Variants in KLF3 observed in about 807,000 individuals in gnomAD.
KLF3 encodes the protein KLF transcription factor 3, also known as Krueppel-like factor 3.
Under a neutral mutation model 32.7 loss-of-function variants are expected in KLF3, and 6 were observed. That is an observed-to-expected ratio of 0.18 (90% CI 0.10 to 0.36). KLF3 has a LOEUF of 0.36. KLF3 is among the 10% of genes least tolerant of loss of function. The pLI is 1.00. For synonymous variants in KLF3, 145 were observed against 172.8 expected, an observed-to-expected ratio of 0.84 and a Z score of 1.26; for missense variants, 338 against 449.7, an observed-to-expected ratio of 0.75 and a Z score of 2.25.
chr4:38,667,802 C>T (rs2637726), intron 1 of KLF3, among the ~76,000 whole-genome samples: 1 of 152,164 alleles, frequency 6.6e-6, no homozygotes, highest in African/African-American at 2.4e-5. Flanking sequence ...CAGGTGGCTT[C>T]CGTGGATGGA....
intron 2 of KLF3, among the ~76,000 whole-genome samples, chr4:38,686,944 CGCCCAGACCAA>C (rs1486697005): frequency 1.3e-5 from 2 of 152,188 alleles, no homozygotes; most frequent in Non-Finnish European, 2.9e-5. Context: ...GCCGAGGATT[CGCCCAGACCAA>C]GCCCAGAGAG....
intron 1 of KLF3, among the ~76,000 whole-genome samples, chr4:38,669,276 G>C (rs1054223844): frequency 1.3e-5 from 2 of 152,182 alleles, no homozygotes; most frequent in South Asian, 2.1e-4. Context: ...TAGTTTGCTA[G>C]TATGTGATAT....
At chr4:38,670,002 A>T (rs552789174) in intron 1 of KLF3, among the ~76,000 whole-genome samples, 1 of 150,918 alleles carries the variant, frequency 6.6e-6, no homozygotes, top group Non-Finnish European at 1.5e-5. Context: ...AAATAAAAAA[A>T]TGATCTGTGC....
rs1723002254 is a variant in KLF3 at position 38,694,819 on chromosome 4, C to A, written c.769C>A (p.Arg257=). 2.5e-6 allele frequency: 4 copies of A among 1,606,450 alleles called. No homozygotes were observed. The Admixed American group carries it at 5.2e-5, about 21-fold the overall frequency. The stretch of plus-strand genomic sequence containing the variant: ...GGAATCCCCGGATACTCAAAGGAAG[C>A]GGAGGATACACAGATGTGATTATGA... ...PVESPDTQRK[R]RIHRCDYDGC... is the part of the protein sequence containing the mutation. The change falls in exon 5 of 6, where the codon CGG becomes AGG. Residue 257 remains arginine, a synonymous_variant. Coordinates refer to ENST00000261438, the MANE Select transcript of KLF3 (RefSeq NM_016531.6).
rs35207230 is a variant in KLF3 at position 38,693,092 on chromosome 4, G to GTA, written c.696-1644_696-1643dup. On this transcript the variant is annotated intron_variant, in intron 4 of 5. Transcript: ENST00000261438. ...TATATATATACACATATATATACACGTATATATATATGTACATATATATAC... is the reference window on the plus strand; with the variant it reads ...TATATATATACACATATATATACACGTATATATATATATGTACATATATATAC... Among the ~76,000 whole-genome samples the GTA allele has an allele frequency of 8.2e-4, 89 of 108,216 alleles. 1 individual carries two copies. The highest frequency in any genetic ancestry group is 2.3e-3 in the African/African-American group (67 of 28,518). 71.0% of individuals were successfully genotyped at this position (108,216 alleles called of 152,430 possible). A position where few individuals can be genotyped will look rare whatever the true frequency, so the allele number is the denominator to read the frequency against.
intron 1 of KLF3, among the ~76,000 whole-genome samples, chr4:38,673,107 A>T (rs10032639): frequency 0.18 from 26,992 of 152,250 alleles, 2,495 homozygotes; most frequent in Non-Finnish European, 0.21. Context: ...CCAAAGTTTC[A>T]GTGGCTCTCT....
Position 38,700,760 on chromosome 4 carries a change from AG to A in KLF3, c.*3498del, listed in dbSNP as rs1296288337. On this transcript the variant is annotated 3_prime_UTR_variant, in exon 6 of 6. Transcript: ENST00000261438. ...TAAACTATGCAGAAATTTTTAATAAAGTGTAATATATTTTATAAGCTAATAA... is the reference window on the plus strand; with the variant it reads ...TAAACTATGCAGAAATTTTTAATAAATGTAATATATTTTATAAGCTAATAA... 6.6e-6 allele frequency: 1 copy of A among 152,174 alleles called. No homozygotes were observed. Among genetic ancestry groups the A allele is most frequent in the Non-Finnish European group, 1.5e-5 (1 of 68,030 alleles). 9.4% of individuals were successfully genotyped at this position (152,174 alleles called of 1,614,324 possible). A position where few individuals can be genotyped will look rare whatever the true frequency, so the allele number is the denominator to read the frequency against.
At chr4:38,668,136 A>G (rs562480426) in intron 1 of KLF3, among the ~76,000 whole-genome samples, 1 of 152,168 alleles carries the variant, frequency 6.6e-6, no homozygotes, top group Non-Finnish European at 1.5e-5. Context: ...TGCTCTTCTC[A>G]TTTTTGTTTT....
Position 38,701,489 on chromosome 4 carries a change from TTAAAG to T in KLF3, c.*4231_*4235del, listed in dbSNP as rs1447961219. 6.6e-6 allele frequency among the ~76,000 whole-genome samples: 1 copy of T among 152,210 alleles called. No individual in the cohort carries two copies. Among genetic ancestry groups the T allele is most frequent in the Admixed American group, 6.5e-5 (1 of 15,282 alleles). On this transcript the variant is annotated 3_prime_UTR_variant, in exon 6 of 6. Transcript: ENST00000261438. ...GAACGAGGAACAGAACAATAACGCA[TTAAAG>T]TAAATAACTCTGGATAAAAGTAATT...
rs1410260903 is a variant in KLF3, at chr4:38,671,345, TC to T, written c.-40+6885del. Among the ~76,000 whole-genome samples, 1 of 152,248 alleles carries T rather than the reference TC, an allele frequency of 6.6e-6. No individual in the cohort carries two copies. Among genetic ancestry groups the T allele is most frequent in the Non-Finnish European group, 1.5e-5 (1 of 68,048 alleles). ...CTGCCAATTTTTCTCAGCAGTTATA[TC>T]GACAATGCAGGTGCACTGGCTAGGA... On this transcript the variant is annotated intron_variant, in intron 1 of 5. Transcript: ENST00000261438. This position sits in a 1 kb window ranked among gnomAD's most constrained non-coding sequence, Gnocchi z 4.4.
At position 38,674,250 on chromosome 4, in the gene KLF3, C is replaced by G. The variant is rs2109240399; in HGVS notation, c.-39-6337C>G. ...TGCCTGCTGACATCTGTTGCCTGTC[C>G]CCTGTATTTCTGGCTAGGGCAACTG... On this transcript the variant is annotated intron_variant, in intron 1 of 5. Coordinates refer to ENST00000261438, the MANE Select transcript of KLF3 (RefSeq NM_016531.6). The surrounding 1 kb of genome is among the most constrained non-coding windows in gnomAD (Gnocchi z 4.1). Among the ~76,000 whole-genome samples, 1 of 152,174 alleles carries G rather than the reference C, an allele frequency of 6.6e-6. No homozygotes were observed. The highest frequency in any genetic ancestry group is 2.1e-4 in the South Asian group (1 of 4,812).
At chr4:38,694,982 A>T in intron 5 of KLF3, 76 bp downstream of exon 5, 3 of 1,452,028 alleles carry the variant, frequency 2.1e-6, no homozygotes, top group Non-Finnish European at 9.3e-7. Flanking sequence ...TGTTACGATC[A>T]AAGTTTTCAG....
At chr4:38,682,764 G>T (rs889705819) in intron 2 of KLF3, among the ~76,000 whole-genome samples, 2 of 152,284 alleles carry the variant, frequency 1.3e-5, no homozygotes, top group African/African-American at 4.8e-5. Context: ...TTGTTGTAAC[G>T]TAGTAATACA....
At chr4:38,665,415 T>C (rs570832425) in intron 1 of KLF3, among the ~76,000 whole-genome samples, 85 of 152,206 alleles carry the variant, frequency 5.6e-4, no homozygotes, top group Non-Finnish European at 1.0e-3. Context: ...ATATTCATTT[T>C]TTTGGGCAGA....
rs1722282653 is a variant in KLF3 at position 38,674,445 on chromosome 4, T to TC, written c.-39-6142_-39-6141insC. 6.6e-6 allele frequency among the ~76,000 whole-genome samples: 1 copy of TC among 151,980 alleles called. No homozygotes were observed. Among genetic ancestry groups the TC allele is most frequent in the Admixed American group, 6.6e-5 (1 of 15,260 alleles). The stretch of plus-strand genomic sequence containing the variant: ...CATGCACACACCGCCTTTTTTTTTT[T>TC]TCTTTTTTTGCCTTAAGTTCCTTTG... On this transcript the variant is annotated intron_variant, in intron 1 of 5. Coordinates refer to ENST00000261438, the MANE Select transcript of KLF3 (RefSeq NM_016531.6). The surrounding 1 kb of genome is among the most constrained non-coding windows in gnomAD (Gnocchi z 4.1).
At chr4:38,690,737 A>C (rs976655654) in intron 4 of KLF3, 5 of 152,184 alleles carry the variant, frequency 3.3e-5, no homozygotes, top group Admixed American at 1.3e-4. Context: ...CAACTTGAAT[A>C]AATGTTCTAC....
intron 2 of KLF3, among the ~76,000 whole-genome samples, chr4:38,686,443 C>CAA (rs61128677): frequency 0.062 from 6,227 of 100,680 alleles, 201 homozygotes; most frequent in Non-Finnish European, 0.07. Context: ...GACCCTATCT[C>CAA]AAAAAAAAAA....
At chr4:38,693,990 C>A (rs1368728751) in intron 4 of KLF3, among the ~76,000 whole-genome samples, 1 of 152,156 alleles carries the variant, frequency 6.6e-6, no homozygotes, top group Non-Finnish European at 1.5e-5. Flanking sequence ...GTCAGGCATG[C>A]CATGGGGGAG....
At position 38,700,546 on chromosome 4, in the gene KLF3, C is replaced by G. The variant is rs1723168973; in HGVS notation, c.*3283C>G. ...TGATCGCAAATTCACCTAAACAATA[C>G]ATTTACAAAGCCATCTTTACATGCA... On this transcript the variant is annotated 3_prime_UTR_variant, in exon 6 of 6. Coordinates refer to ENST00000261438, the MANE Select transcript of KLF3 (RefSeq NM_016531.6). 6.6e-6 allele frequency: 1 copy of G among 152,204 alleles called. No individual in the cohort carries two copies. The highest frequency in any genetic ancestry group is 2.4e-5 in the African/African-American group (1 of 41,452). 9.4% of individuals were successfully genotyped at this position (152,204 alleles called of 1,614,324 possible).
Sources: gnomAD v4.1 joint callset for allele counts (sites outside exome capture counted in the v4.1 genomes callset) on GRCh38, gnomAD v4.1.1 for gene constraint, Gnocchi (gnomAD v3.1) non-coding constraint, MANE v1.5 for transcripts, NCBI Gene and HGNC (gene_info 2026-07-23, HGNC 2026-07-21) for gene names.